The following EVC variants were observed in gnomAD, a reference collection of about 807,000 sequenced individuals.
EVC encodes evC complex member EVC.
Under a neutral mutation model 118.9 loss-of-function variants are expected in EVC, and 116 were observed. That is an observed-to-expected ratio of 0.98 (90% CI 0.84 to 1.14). The LOEUF (loss-of-function observed/expected upper bound fraction) is 1.14. Ranked by LOEUF, EVC falls within the 50% of genes most tolerant of loss-of-function variation. The probability of loss-of-function intolerance (pLI) is 0.00; values close to 1 mark genes in which losing one functional copy is unlikely to be tolerated. For missense variants in EVC, 1,401 were observed against 1,246.4 expected, an observed-to-expected ratio of 1.12 and a Z score of -1.87; for synonymous variants, 619 against 534.7, an observed-to-expected ratio of 1.16 and a Z score of -2.18.
intron 6 of EVC, 103 bp from the exon 7 acceptor site, chr4:5,745,101 T>C (rs1449537715): frequency 5.1e-6 from 6 of 1,181,238 alleles, no homozygotes; most frequent in Non-Finnish European, 7.2e-6. Context: ...TTTAAAAATA[T>C]TTTGTGAAAT....
intron 5 of EVC, among the ~76,000 whole-genome samples, chr4:5,734,816 C>T (rs1208374490): frequency 6.6e-6 from 1 of 152,198 alleles, no homozygotes; most frequent in Non-Finnish European, 1.5e-5. Context: ...CCCCCTCTAT[C>T]CCCAGCCCCA....
chr4:5,723,346 C>T (rs1378791355), intron 2 of EVC, among the ~76,000 whole-genome samples: 1 of 152,056 alleles, frequency 6.6e-6, no homozygotes, highest in Non-Finnish European at 1.5e-5. Context: ...TGCGCCACCA[C>T]ACCCAGCTAA....
Position 5,808,192 on chromosome 4 carries a change from T to A in EVC, c.2562-9T>A, listed in dbSNP as rs754617509. The A allele has an allele frequency of 7.6e-7, 1 of 1,316,590 alleles. No homozygotes were observed. Among genetic ancestry groups the A allele is most frequent in the Admixed American group, 2.2e-5 (1 of 46,334 alleles). The allele number at this position is 1,316,590 out of a possible 1,614,324, so 81.6% of individuals were successfully genotyped here. ...CTCCCTGCCAGCCTGCCTGCCTTCCTCCCCCCAGGATGCTGTCCCAGCAGA... is the reference window on the plus strand; with the variant it reads ...CTCCCTGCCAGCCTGCCTGCCTTCCACCCCCCAGGATGCTGTCCCAGCAGA... On this transcript the variant is annotated splice_polypyrimidine_tract_variant and intron_variant, in intron 17 of 20. Transcript: ENST00000264956.
intron 17 of EVC, among the ~76,000 whole-genome samples, chr4:5,807,017 G>A (rs566745989): frequency 3.3e-5 from 5 of 152,092 alleles, no homozygotes; most frequent in East Asian, 1.9e-4. Context: ...CCATAGGCAC[G>A]GTTTCTAGTG....
chr4:5,725,347 A>G lies in EVC; in HGVS notation c.301-3960A>G, dbSNP rs192391598. Among the ~76,000 whole-genome samples the G allele has an allele frequency of 1.7e-3, 263 of 152,320 alleles. 6 individuals are homozygous for G. Among genetic ancestry groups the G allele is most frequent in the Admixed American group, 0.015 (237 of 15,300 alleles). On this transcript the variant is annotated intron_variant, in intron 2 of 20. Coordinates refer to ENST00000264956, the MANE Select transcript of EVC (RefSeq NM_153717.3). The stretch of plus-strand genomic sequence containing the variant: ...TAATTTACATTCCCACCAACAGTGT[A>G]AAAGTTTTCCTTTTTCTCCACAGCC...
downstream of EVC, among the ~76,000 whole-genome samples, chr4:5,817,145 G>C (rs1368144250): frequency 6.6e-6 from 1 of 152,222 alleles, no homozygotes; most frequent in African/African-American, 2.4e-5. Flanking sequence ...TTGGGATACG[G>C]AGTGTTCTTT....
chr4:5,748,236 T>C lies in EVC; in HGVS notation c.1028T>C (p.Met343Thr), dbSNP rs1414084679. ...KCSSSKARQL[M>T]MTLTERMIAA... ...TCCAGCTCCAAAGCCCGACAGCTGATGATGACTCTGACGGAAAGAATGATT... is the reference window on the plus strand; with the variant it reads ...TCCAGCTCCAAAGCCCGACAGCTGACGATGACTCTGACGGAAAGAATGATT... The change falls in exon 8 of 21, where the codon ATG becomes ACG. Residue 343 changes from methionine (M) to threonine (T), a missense_variant. Met to Thr is a moderately conservative substitution (Grantham distance 81). Transcript: ENST00000264956. 1 of 1,614,200 alleles carries C rather than the reference T, an allele frequency of 6.2e-7. No individual in the cohort carries two copies. The highest frequency in any genetic ancestry group is 1.1e-5 in the South Asian group (1 of 91,084).
rs41269547 is a variant in EVC, at chr4:5,719,357, A to G, written c.284A>G (p.Asp95Gly). Residue 95 changes from aspartate to glycine, a missense_variant, in exon 2 of 21, where the codon GAC (aspartate) becomes GGC (glycine). Transcript: ENST00000264956. The surrounding 1 kb of genome is among the most constrained non-coding windows in gnomAD (Gnocchi z 4.7). Reference sequence around the variant, plus strand: ...AAGAGAGAAGTGCAGATGTCGAAGGACAAGGAAGCTGTTGATGTAAGCTTG... The same window carrying G: ...AAGAGAGAAGTGCAGATGTCGAAGGGCAAGGAAGCTGTTGATGTAAGCTTG... ...RRKREVQMSK[D>G]KEAVDECEPP... 9,496 of 1,614,184 alleles carry G rather than the reference A, an allele frequency of 5.9e-3. 42 individuals are homozygous for G. The highest frequency in any genetic ancestry group is 6.3e-3 in the Non-Finnish European group (7,389 of 1,180,014).
At chr4:5,772,534 G>A (rs1734144131) in intron 11 of EVC, among the ~76,000 whole-genome samples, 1 of 151,184 alleles carries the variant, frequency 6.6e-6, no homozygotes, top group South Asian at 2.1e-4. Flanking sequence ...TTGTTCTCAA[G>A]AAGAAGTCCA....
In EVC at chr4:5,798,833, A is replaced by G; in HGVS notation, c.2304+41A>G. ...TGTCCCTGGGGACACCGAGGGCAAG[A>G]ATGTTCAGGGTAGGGTCCATGCCTG... On this transcript the variant is annotated intron_variant, in intron 15 of 20. Transcript: ENST00000264956. The surrounding 1 kb of genome is among the most constrained non-coding windows in gnomAD (Gnocchi z 4.1). The G allele has an allele frequency of 6.3e-7, 1 of 1,589,314 alleles. No homozygotes were observed. Among genetic ancestry groups the G allele is most frequent in the Non-Finnish European group, 8.6e-7 (1 of 1,167,290 alleles).
intron 16 of EVC, 143 bp from the exon 17 acceptor site, chr4:5,804,587 T>C (rs1307514121): frequency 2.8e-6 from 2 of 725,598 alleles, no homozygotes; most frequent in Non-Finnish European, 5.0e-6. Context: ...GTGCACACAA[T>C]GCCCTGTCCC....
rs73795088 is a variant in EVC at position 5,802,008 on chromosome 4, G to T, written c.2363G>T (p.Arg788Leu). 6 of 1,614,172 alleles carry T rather than the reference G, an allele frequency of 3.7e-6. No individual in the cohort carries two copies. The African/African-American group carries it at 6.7e-5, about 18-fold the overall frequency. ...SVYVTSAGVS[R>L]LVQAYYQQIG... The stretch of plus-strand genomic sequence containing the variant: ...TACGTGACCAGCGCTGGTGTCAGCC[G>T]CCTGGTGCAGGCGTATTACCAGCAA... The change falls in exon 16 of 21, where the codon CGC becomes CTC. Residue 788 changes from arginine to leucine, a missense_variant. Physicochemically the swap from Arg to Leu is moderately radical, Grantham distance 102. Transcript: ENST00000264956.
intron 16 of EVC, 89 bp from the exon 17 acceptor site, chr4:5,804,637 TCTCA>T: frequency 4.0e-6 from 4 of 998,790 alleles, no homozygotes; most frequent in South Asian, 1.3e-5. Context: ...AGCTGGTGTG[TCTCA>T]CTCACCCTGC....
At chr4:5,741,239 T>A (rs1225750523) in intron 5 of EVC, among the ~76,000 whole-genome samples, 1 of 152,250 alleles carries the variant, frequency 6.6e-6, no homozygotes, top group East Asian at 1.9e-4. Context: ...CTGTACTTCC[T>A]GGGTATCCCC....
Position 5,746,135 on chromosome 4 carries a change from G to A in EVC, c.939+794G>A, listed in dbSNP as rs935007251. The stretch of plus-strand genomic sequence containing the variant: ...GGTAAGGTAAAGCCAGAGGGATCTG[G>A]CCAGAGGGCTTGTTTGTGTCTTAAG... On this transcript the variant is annotated intron_variant, in intron 7 of 20. Coordinates refer to ENST00000264956, the MANE Select transcript of EVC (RefSeq NM_153717.3). The surrounding 1 kb of genome is among the most constrained non-coding windows in gnomAD (Gnocchi z 5.8). Among the ~76,000 whole-genome samples, 3 of 106,800 alleles carry A rather than the reference G, an allele frequency of 2.8e-5. No individual in the cohort carries two copies. Among genetic ancestry groups the A allele is most frequent in the African/African-American group, 6.6e-5 (2 of 30,524 alleles). 70.1% of individuals were successfully genotyped at this position (106,800 alleles called of 152,430 possible). A position where few individuals can be genotyped will look rare whatever the true frequency, so the allele number is the denominator to read the frequency against.
At chr4:5,751,129 T>A (rs10025922) in intron 8 of EVC, among the ~76,000 whole-genome samples, 10,068 of 152,288 alleles carry the variant, frequency 0.066, 477 homozygotes, top group Non-Finnish European at 0.094. Context: ...GGAGGCTCAC[T>A]GTTCCCTGGC....
rs199875230 is a variant in EVC at position 5,793,628 on chromosome 4, G to A, written c.1797G>A (p.Ala599=). The change falls in exon 13 of 21, where the codon GCG becomes GCA. Residue 599 remains alanine (A), a synonymous_variant. Coordinates refer to ENST00000264956, the MANE Select transcript of EVC (RefSeq NM_153717.3). The stretch of plus-strand genomic sequence containing the variant: ...TTCAGGTGTGGATGGAGGAGTGTGC[G>A]CTGTCCAGCGTGCTGCAGACACACC... ...QDQQVWMEEC[A]LSSVLQTHLR... The A allele has an allele frequency of 3.5e-4, 549 of 1,551,704 alleles. 1 individual carries two copies. The highest frequency in any genetic ancestry group is 6.5e-4 in the Admixed American group (33 of 51,102).
Position 5,797,222 on chromosome 4 carries a change from T to C in EVC, c.2087T>C (p.Leu696Pro). The C allele has an allele frequency of 1.2e-6, 2 of 1,608,936 alleles. No homozygotes were observed. Among genetic ancestry groups the C allele is most frequent in the Non-Finnish European group, 1.7e-6 (2 of 1,178,712 alleles). Residue 696 changes from leucine to proline, a missense_variant, in exon 14 of 21, where the codon CTC becomes CCC. Physicochemically the swap from Leu to Pro is moderately conservative, Grantham distance 98. Transcript: ENST00000264956. ...CTGGACGAGCATCAGTGGCAGCTGC[T>C]CAGGGCCCTGGTAAGACCAGCATGG... ...QCLDEHQWQLLRALEARVLEE... is the reference protein window; with the variant it reads ...QCLDEHQWQLPRALEARVLEE...
At chr4:5,751,510 A>C (rs1730362286) in intron 8 of EVC, among the ~76,000 whole-genome samples, 1 of 152,212 alleles carries the variant, frequency 6.6e-6, no homozygotes, top group Non-Finnish European at 1.5e-5. Context: ...GGGCTGCTGG[A>C]ATGAGCCTCG....
Sources: allele counts gnomAD v4.1 joint callset (sites outside exome capture counted in the v4.1 genomes callset), GRCh38; gene constraint gnomAD v4.1.1; non-coding constraint Gnocchi (gnomAD v3.1); transcripts MANE v1.5; gene names NCBI Gene and HGNC (gene_info 2026-07-23, HGNC 2026-07-21).